Variants in DMD observed in about 807,000 individuals in gnomAD.
DMD encodes mutant dystrophin.
Under a neutral mutation model 330.1 loss-of-function variants are expected in DMD, and 63 were observed. The ratio of observed to expected loss-of-function variants is 0.19; its 90% CI spans 0.16 to 0.24. DMD has a LOEUF of 0.24. DMD is among the 10% of genes least tolerant of loss of function. The probability of loss-of-function intolerance (pLI) is 1.00; values close to 1 mark genes in which losing one functional copy is unlikely to be tolerated. For missense variants in DMD, 3,344 were observed against 2,684.1 expected (o/e 1.25, Z -5.43); for synonymous variants, 1,223 against 959.8 (o/e 1.27, Z -5.07).
chrX:33,167,769 T>C (rs1449531449), intron 1 of DMD, among the ~76,000 whole-genome samples: 1 of 110,900 alleles, frequency 9.0e-6, no homozygotes, highest in Non-Finnish European at 1.9e-5. Flanking sequence ...AAGCTTGGAC[T>C]TGGGAACAAA....
intron 44 of DMD, among the ~76,000 whole-genome samples, chrX:32,071,624 G>A (rs887749447): frequency 5.6e-5 from 6 of 107,905 alleles, no homozygotes; most frequent in Non-Finnish European, 1.2e-4. Context: ...AAACCTGCAC[G>A]TTGTGCACAT....
chrX:31,921,503 C>T (rs2094689579), intron 47 of DMD, among the ~76,000 whole-genome samples: 1 of 111,986 alleles, frequency 8.9e-6, no homozygotes, highest in African/African-American at 3.3e-5. Flanking sequence ...CATAGTTCAG[C>T]TTTCTCCCCA....
At chrX:32,206,368 A>C in intron 44 of DMD, 1 of 509,423 alleles carries the variant, frequency 2.0e-6, no homozygotes, top group South Asian at 2.3e-5. Flanking sequence ...CTTGCTGCTG[A>C]TGAAGATGAT....
intron 1 of DMD, among the ~76,000 whole-genome samples, chrX:33,243,577 T>C (rs2052621180): frequency 8.9e-6 from 1 of 112,193 alleles, no homozygotes; most frequent in Non-Finnish European, 1.9e-5. Context: ...GAAATAATTA[T>C]ATTAAAAAGA....
intron 43 of DMD, among the ~76,000 whole-genome samples, chrX:32,235,487 C>A (rs1359015420): frequency 9.0e-6 from 1 of 110,925 alleles, no homozygotes; most frequent in East Asian, 2.9e-4. Flanking sequence ...GTCTGTGGCT[C>A]TGGGGTTGAG....
intron 16 of DMD, among the ~76,000 whole-genome samples, chrX:32,556,889 A>G (rs974455726): frequency 1.8e-5 from 2 of 112,015 alleles, no homozygotes; most frequent in African/African-American, 6.5e-5. Flanking sequence ...GAAAGATTCA[A>G]GCTATAAAGT....
intron 2 of DMD, among the ~76,000 whole-genome samples, chrX:32,983,206 C>A (rs1363376858): frequency 1.8e-5 from 2 of 110,685 alleles, no homozygotes; most frequent in Non-Finnish European, 3.8e-5. Flanking sequence ...CACTATCTAT[C>A]TCCTAGTGAC....
At position 32,644,956 on chromosome X, in the gene DMD, T is replaced by C; in HGVS notation, c.1149+8A>G. ...TGTTTTGTTTTGTAAATTAACGTTTTAGTTTACCTCATGAGTATGAAACTG... is the reference window on the plus strand; with the variant it reads ...TGTTTTGTTTTGTAAATTAACGTTTCAGTTTACCTCATGAGTATGAAACTG... On this transcript the variant is annotated splice_region_variant and intron_variant, in intron 10 of 78. Coordinates refer to ENST00000357033, the MANE Select transcript of DMD (RefSeq NM_004006.3). The C allele has an allele frequency of 8.3e-7, 1 of 1,210,562 alleles. No homozygotes were observed. The highest frequency in any genetic ancestry group is 1.1e-6 in the Non-Finnish European group (1 of 894,383).
intron 48 of DMD, among the ~76,000 whole-genome samples, chrX:31,846,840 T>C (rs1170640887): frequency 1.8e-5 from 2 of 111,738 alleles, no homozygotes; most frequent in African/African-American, 6.5e-5. Flanking sequence ...AGGAGTCTGC[T>C]TTGACAACTA....
chrX:32,411,880 T>C lies in DMD; in HGVS notation c.4105A>G (p.Ile1369Val), dbSNP rs978977375. ...VRRQKLLEQS[I>V]QSAQETEKSL... Reference sequence around the variant, plus strand: ...TTTTCAGTCTCCTGGGCAGACTGGATGCTCTGTTCAAGCAACTTTTGCCTC... The same window carrying C: ...TTTTCAGTCTCCTGGGCAGACTGGACGCTCTGTTCAAGCAACTTTTGCCTC... Residue 1369 changes from isoleucine (I) to valine (V), a missense_variant, in exon 30 of 79, where the codon ATC (isoleucine) becomes GTC (valine). By Grantham distance (29) the Ile-to-Val change is conservative (BLOSUM62 3). Transcript: ENST00000357033. The C allele has an allele frequency of 3.3e-6, 4 of 1,208,862 alleles. No homozygotes were observed. Among genetic ancestry groups the C allele is most frequent in the Admixed American group, 2.2e-5 (1 of 45,593 alleles).
At chrX:32,140,406 G>A (rs898676909) in intron 44 of DMD, among the ~76,000 whole-genome samples, 1 of 111,920 alleles carries the variant, frequency 8.9e-6, no homozygotes, top group African/African-American at 3.2e-5. Context: ...TACAAAAATC[G>A]TCAACACTGG....
intron 7 of DMD, among the ~76,000 whole-genome samples, chrX:32,726,377 G>T (rs1434769544): frequency 9.0e-6 from 1 of 111,329 alleles, no homozygotes; most frequent in Non-Finnish European, 1.9e-5. Flanking sequence ...AAAAGTGATG[G>T]CAAATGGCCT....
Position 31,241,286 on chromosome X carries a change from C to T in DMD, c.9287-18165G>A, listed in dbSNP as rs183546487. On this transcript the variant is annotated intron_variant, in intron 63 of 78. Transcript: ENST00000357033. ...CGCTGGTTTAGGAGTTAAAAGTACA[C>T]GTAAATCCCTGCTTTGCAATGTGAG... Among the ~76,000 whole-genome samples, 16 of 111,386 alleles carry T rather than the reference C, an allele frequency of 1.4e-4. No homozygotes were observed. The East Asian group carries it at 2.8e-3, about 20-fold the overall frequency.
intron 44 of DMD, among the ~76,000 whole-genome samples, chrX:31,976,149 G>C (rs2095434406): frequency 9.1e-6 from 1 of 110,469 alleles, no homozygotes; most frequent in Admixed American, 9.8e-5. Flanking sequence ...AAAGATGGTC[G>C]CTTGGATTGA....
chrX:31,790,224 A>G (rs752955640), intron 50 of DMD, among the ~76,000 whole-genome samples: 5 of 111,616 alleles, frequency 4.5e-5, no homozygotes, highest in Admixed American at 9.6e-5. Context: ...TTAGTTTACT[A>G]CTGGGGGCCT....
chrX:32,180,064 A>AT (rs925564301), intron 44 of DMD, among the ~76,000 whole-genome samples: 2 of 111,900 alleles, frequency 1.8e-5, no homozygotes, highest in African/African-American at 6.5e-5. Flanking sequence ...ATTTTTAATG[A>AT]TTTTTTCTCG....
At chrX:32,324,109 A>T (rs1413209000) in intron 41 of DMD, among the ~76,000 whole-genome samples, 1 of 111,070 alleles carries the variant, frequency 9.0e-6, no homozygotes, top group Non-Finnish European at 1.9e-5. Flanking sequence ...AATCAACAAT[A>T]TATTGTATCT....
At chrX:32,385,709 C>A (rs189109222) in intron 33 of DMD, among the ~76,000 whole-genome samples, 66 of 110,486 alleles carry the variant, frequency 6.0e-4, no homozygotes, top group Non-Finnish European at 1.1e-3. Context: ...GGTCATGAGA[C>A]TCTGATCAGG....
At chrX:31,612,213 A>T (rs751507604) in intron 55 of DMD, among the ~76,000 whole-genome samples, 3 of 111,379 alleles carry the variant, frequency 2.7e-5, no homozygotes, top group Non-Finnish European at 3.8e-5. Flanking sequence ...AGCTCATACC[A>T]GTGGAATCAT....
Sources: gnomAD v4.1 joint callset for allele counts (sites outside exome capture counted in the v4.1 genomes callset) on GRCh38, gnomAD v4.1.1 for gene constraint, MANE v1.5 for transcripts, NCBI Gene and HGNC (gene_info 2026-07-23, HGNC 2026-07-21) for gene names.